The following AGAP1 variants were observed in gnomAD, a reference collection of about 807,000 sequenced individuals.
AGAP1 encodes the protein arf-GAP with GTPase, ANK repeat and PH domain-containing protein 1.
AGAP1 carries 29 observed loss-of-function variants against 105.3 expected under a neutral mutation model. The ratio of observed to expected loss-of-function variants is 0.28; its 90% CI spans 0.21 to 0.38. The LOEUF is 0.38. Among genes scored for constraint, AGAP1 ranks in the 10% least tolerant of loss-of-function variants. The probability of loss-of-function intolerance (pLI) is 1.00; values close to 1 mark genes in which losing one functional copy is unlikely to be tolerated. For missense variants in AGAP1, 998 were observed against 1,165.1 expected (o/e 0.86, Z 2.09); for synonymous variants, 509 against 485.9 (o/e 1.05, Z -0.63).
chr2:236,080,790 C>T lies in AGAP1; in HGVS notation c.2114+31509C>T, dbSNP rs2058760552. Among the ~76,000 whole-genome samples, 1 of 152,144 alleles carries T rather than the reference C, an allele frequency of 6.6e-6. No homozygotes were observed. ...CTGTTCCAGCTTCTAGAAGCTGCTA[C>T]TCATCTTGGTGGCCTTGCATCCCCT... On this transcript the variant is annotated intron_variant, in intron 16 of 17. Coordinates refer to ENST00000304032, the MANE Select transcript of AGAP1 (RefSeq NM_001037131.3). The surrounding 1 kb of genome is among the most constrained non-coding windows in gnomAD (Gnocchi z 4.2).
chr2:235,571,956 G>GTGTATACATATATA (rs1944532343), intron 1 of AGAP1, among the ~76,000 whole-genome samples: 1 of 117,980 alleles, frequency 8.5e-6, no homozygotes, highest in Non-Finnish European at 1.7e-5. Context: ...GTGTGTGTGT[G>GTGTATACATATATA]TGTATACATA....
intron 1 of AGAP1, among the ~76,000 whole-genome samples, chr2:235,573,739 G>T (rs1559259747): frequency 1.3e-5 from 2 of 152,222 alleles, no homozygotes; most frequent in African/African-American, 4.8e-5. Flanking sequence ...CAGCAGGTGG[G>T]CTTGGCAGGT....
Position 236,050,251 on chromosome 2 carries a change from G to A in AGAP1, c.2114+970G>A, listed in dbSNP as rs972605691. ...AGCAGTAAGAACGTGAGAAGCGTTC[G>A]TGGACTTCAGTTCATTAACACTGAA... is the stretch of plus-strand genomic sequence containing the variant. On this transcript the variant is annotated intron_variant, in intron 16 of 17. Coordinates refer to ENST00000304032, the MANE Select transcript of AGAP1 (RefSeq NM_001037131.3). The surrounding 1 kb of genome is among the most constrained non-coding windows in gnomAD (Gnocchi z 4.0). 2.6e-5 allele frequency among the ~76,000 whole-genome samples: 4 copies of A among 152,220 alleles called. No individual in the cohort carries two copies. The highest frequency in any genetic ancestry group is 5.9e-5 in the Non-Finnish European group (4 of 68,042).
chr2:235,888,028 G>A lies in AGAP1; in HGVS notation c.1155+4579G>A, dbSNP rs969714486. 2.0e-5 allele frequency among the ~76,000 whole-genome samples: 3 copies of A among 152,138 alleles called. No homozygotes were observed. Among genetic ancestry groups the A allele is most frequent in the Admixed American group, 1.3e-4 (2 of 15,268 alleles). On this transcript the variant is annotated intron_variant, in intron 10 of 17. Transcript: ENST00000304032. The surrounding 1 kb of genome is among the most constrained non-coding windows in gnomAD (Gnocchi z 4.8). ...TTTATCTTCTGTCCACGTGTGTGCC[G>A]CTCACAGTCCACGTAAGGCTGCGCC...
chr2:235,852,747 G>C, intron 9 of AGAP1: 1 of 1,539,296 alleles, frequency 6.5e-7, no homozygotes, highest in Admixed American at 2.0e-5. Context: ...GCTGGAGCCC[G>C]TGCCCGTCAG....
At chr2:235,860,344 C>T (rs536807758) in intron 9 of AGAP1, among the ~76,000 whole-genome samples, 12 of 152,094 alleles carry the variant, frequency 7.9e-5, no homozygotes, top group Non-Finnish European at 1.5e-4. Context: ...AACTTGAAAC[C>T]ATAATTATAA....
chr2:235,890,323 T>G (rs1379254243), intron 10 of AGAP1, among the ~76,000 whole-genome samples: 1 of 152,090 alleles, frequency 6.6e-6, no homozygotes, highest in Non-Finnish European at 1.5e-5. Flanking sequence ...CTGGCTAATT[T>G]TTTGTTTTAG....
intron 10 of AGAP1, among the ~76,000 whole-genome samples, chr2:235,895,276 A>G (rs901486733): frequency 6.6e-6 from 1 of 152,058 alleles, no homozygotes; most frequent in African/African-American, 2.4e-5. Flanking sequence ...ATGTATTTCC[A>G]TGATGGAGAA....
chr2:235,794,451 C>T (rs1369190502), intron 6 of AGAP1, among the ~76,000 whole-genome samples: 2 of 152,124 alleles, frequency 1.3e-5, no homozygotes, highest in Non-Finnish European at 2.9e-5. Context: ...ATCTCAGTGA[C>T]AAAGCTTCCA....
chr2:235,973,777 C>T lies in AGAP1; in HGVS notation c.1645+5154C>T, dbSNP rs186757946. 7.2e-5 allele frequency among the ~76,000 whole-genome samples: 11 copies of T among 152,256 alleles called. No homozygotes were observed. The East Asian group carries it at 1.7e-3, about 24-fold the overall frequency. The stretch of plus-strand genomic sequence containing the variant: ...AGGGCCACCTGAGAGGGAGTGACCC[C>T]GACCCTGCATGGGGTCGGCATGGGT... On this transcript the variant is annotated intron_variant, in intron 13 of 17. Coordinates refer to ENST00000304032, the MANE Select transcript of AGAP1 (RefSeq NM_001037131.3). This position sits in a 1 kb window ranked among gnomAD's most constrained non-coding sequence, Gnocchi z 4.7.
rs2125325575 is a variant in AGAP1 at position 235,964,258 on chromosome 2, G to A, written c.1484-4204G>A. Among the ~76,000 whole-genome samples, 1 of 152,280 alleles carries A rather than the reference G, an allele frequency of 6.6e-6. No homozygotes were observed. Among genetic ancestry groups the A allele is most frequent in the East Asian group, 1.9e-4 (1 of 5,188 alleles). Reference sequence around the variant, plus strand: ...AATGAGAGGACACCCAAGGGACAGAGTAAAATAATATGATTTTAATATAAT... The same window carrying A: ...AATGAGAGGACACCCAAGGGACAGAATAAAATAATATGATTTTAATATAAT... On this transcript the variant is annotated intron_variant, in intron 12 of 17. Coordinates refer to ENST00000304032, the MANE Select transcript of AGAP1 (RefSeq NM_001037131.3). The surrounding 1 kb of genome is among the most constrained non-coding windows in gnomAD (Gnocchi z 4.6).
chr2:235,968,410 T>G (rs960090873), intron 12 of AGAP1, 52 bp from the exon 13 acceptor site: 7 of 1,552,528 alleles, frequency 4.5e-6, no homozygotes, highest in Non-Finnish European at 6.1e-6. Flanking sequence ...GCTTTGTAAG[T>G]GCTCACTCTG....
rs1251320959 is a variant in AGAP1, at chr2:236,076,599, A to G, written c.2114+27318A>G. ...GTATACTCCTAGAAATTTTAATCTC[A>G]GAGAATGATGATAGATGTTTCTGGA... On this transcript the variant is annotated intron_variant, in intron 16 of 17. Coordinates refer to ENST00000304032, the MANE Select transcript of AGAP1 (RefSeq NM_001037131.3). This position sits in a 1 kb window ranked among gnomAD's most constrained non-coding sequence, Gnocchi z 4.4. Among the ~76,000 whole-genome samples the G allele has an allele frequency of 1.3e-5, 2 of 152,212 alleles. No individual in the cohort carries two copies. Among genetic ancestry groups the G allele is most frequent in the African/African-American group, 4.8e-5 (2 of 41,460 alleles).
chr2:236,115,100 G>A (rs1253997032), intron 16 of AGAP1, among the ~76,000 whole-genome samples: 2 of 152,214 alleles, frequency 1.3e-5, no homozygotes, highest in Non-Finnish European at 2.9e-5. Context: ...AGCCTCCCGT[G>A]CCCAGCAGGC....
At chr2:235,678,773 G>A (rs1273466719) in intron 1 of AGAP1, among the ~76,000 whole-genome samples, 3 of 151,678 alleles carry the variant, frequency 2.0e-5, no homozygotes, top group South Asian at 2.1e-4. Context: ...ATATTCTGCC[G>A]GCTCACCTGA....
In AGAP1 at chr2:235,848,297, T is replaced by G. The variant is rs994731689; in HGVS notation, c.1051-35048T>G. Among the ~76,000 whole-genome samples the G allele has an allele frequency of 2.6e-5, 4 of 152,180 alleles. No homozygotes were observed. The East Asian group carries it at 5.8e-4, about 22-fold the overall frequency. On this transcript the variant is annotated intron_variant, in intron 9 of 17. Coordinates refer to ENST00000304032, the MANE Select transcript of AGAP1 (RefSeq NM_001037131.3). Reference sequence around the variant, plus strand: ...AGCCACCTGCCAGTGTTGAGCCTCTTTAGGGATTGGCCTGTGCCCTCATCA... The same window carrying G: ...AGCCACCTGCCAGTGTTGAGCCTCTGTAGGGATTGGCCTGTGCCCTCATCA...
intron 4 of AGAP1, among the ~76,000 whole-genome samples, chr2:235,742,611 T>A (rs180701466): frequency 4.6e-5 from 7 of 152,172 alleles, no homozygotes; most frequent in Non-Finnish European, 7.4e-5. Flanking sequence ...AGTCAGATGC[T>A]GATAAAAGTC....
At position 236,113,685 on chromosome 2, in the gene AGAP1, CT is replaced by C. The variant is rs1197183533; in HGVS notation, c.2115-6506del. ...AGCCACCTTGGCCAAGTCACCACCCCTCAAGGTCAGGTGCGGCAAAGCCCGT... is the reference window on the plus strand; with the variant it reads ...AGCCACCTTGGCCAAGTCACCACCCCCAAGGTCAGGTGCGGCAAAGCCCGT... On this transcript the variant is annotated intron_variant, in intron 16 of 17. Transcript: ENST00000304032. This position sits in a 1 kb window ranked among gnomAD's most constrained non-coding sequence, Gnocchi z 4.3. 6.6e-6 allele frequency among the ~76,000 whole-genome samples: 1 copy of C among 152,154 alleles called. No individual in the cohort carries two copies. The highest frequency in any genetic ancestry group is 1.5e-5 in the Non-Finnish European group (1 of 68,050).
chr2:235,608,262 A>C lies in AGAP1; in HGVS notation c.164-100917A>C, dbSNP rs1411482448. 2.0e-5 allele frequency among the ~76,000 whole-genome samples: 3 copies of C among 152,172 alleles called. No homozygotes were observed. Among genetic ancestry groups the C allele is most frequent in the Non-Finnish European group, 4.4e-5 (3 of 68,028 alleles). The stretch of plus-strand genomic sequence containing the variant: ...AAGTGTGTTGGCAAACATGCTGGAT[A>C]CTGTCAGAATCAGAGCAGGCTGGAT... On this transcript the variant is annotated intron_variant, in intron 1 of 17. Coordinates refer to ENST00000304032, the MANE Select transcript of AGAP1 (RefSeq NM_001037131.3). This position sits in a 1 kb window ranked among gnomAD's most constrained non-coding sequence, Gnocchi z 5.4.
Sources: allele counts gnomAD v4.1 joint callset (sites outside exome capture counted in the v4.1 genomes callset), GRCh38; gene constraint gnomAD v4.1.1; non-coding constraint Gnocchi (gnomAD v3.1); transcripts MANE v1.5; gene names NCBI Gene and HGNC (gene_info 2026-07-23, HGNC 2026-07-21).